Variants in CNTNAP4 observed in about 807,000 individuals in gnomAD.
CNTNAP4 encodes contactin-associated protein-like 4.
Under a neutral mutation model 148.4 loss-of-function variants are expected in CNTNAP4, and 98 were observed. The observed-to-expected ratio is 0.66, with a 90% CI of 0.56 to 0.78. CNTNAP4 has a LOEUF of 0.78. Ranked by LOEUF, CNTNAP4 falls within the 30% of genes least tolerant of loss-of-function variation. The pLI is 0.00. For missense variants in CNTNAP4, 1,935 were observed against 1,565.6 expected (o/e 1.24, Z -3.98); for synonymous variants, 730 against 565.1 (o/e 1.29, Z -4.14).
rs533191824 is a variant in CNTNAP4 at position 76,378,104 on chromosome 16, T to C, written c.390+22593T>C. The stretch of plus-strand genomic sequence containing the variant: ...CATTTTATAACAATATTAAGAGAGT[T>C]TCTTTTGTTTATTGGAGATTCTAAA... On this transcript the variant is annotated intron_variant, in intron 3 of 23. Coordinates refer to ENST00000611870, the MANE Select transcript of CNTNAP4 (RefSeq NM_033401.5). Among the ~76,000 whole-genome samples, 4 of 152,296 alleles carry C rather than the reference T, an allele frequency of 2.6e-5. No homozygotes were observed. In the South Asian group the frequency reaches 6.2e-4, roughly 24 times the overall value.
chr16:76,285,304 T>A (rs1243248674), intron 1 of CNTNAP4, among the ~76,000 whole-genome samples: 1 of 152,046 alleles, frequency 6.6e-6, no homozygotes, highest in Non-Finnish European at 1.5e-5. Context: ...ATGTAATAAT[T>A]GGAGAAGTGA....
At chr16:76,283,143 C>T (rs572729233) in intron 1 of CNTNAP4, among the ~76,000 whole-genome samples, 1 of 151,946 alleles carries the variant, frequency 6.6e-6, no homozygotes, top group Non-Finnish European at 1.5e-5. Flanking sequence ...ATTGGCATTA[C>T]ATGGCTTTGA....
chr16:76,479,145 C>G (rs1427011788), intron 11 of CNTNAP4, among the ~76,000 whole-genome samples: 1 of 151,936 alleles, frequency 6.6e-6, no homozygotes, highest in African/African-American at 2.4e-5. Flanking sequence ...TTCATAATGT[C>G]AAAGTAGCTA....
chr16:76,473,730 C>T (rs558048927), intron 10 of CNTNAP4, among the ~76,000 whole-genome samples: 6 of 152,158 alleles, frequency 3.9e-5, no homozygotes, highest in South Asian at 2.1e-4. Flanking sequence ...GCCAAGATCG[C>T]GCCACTGCAC....
intron 1 of CNTNAP4, among the ~76,000 whole-genome samples, chr16:76,279,955 A>G (rs1958624818): frequency 1.3e-5 from 2 of 152,170 alleles, no homozygotes; most frequent in Admixed American, 6.5e-5. Context: ...GTGTATATAT[A>G]TTTCCCAGCA....
chr16:76,311,047 T>TTAA (rs1207463027), intron 1 of CNTNAP4, among the ~76,000 whole-genome samples: 1 of 152,106 alleles, frequency 6.6e-6, no homozygotes, highest in Non-Finnish European at 1.5e-5. Flanking sequence ...ATCAGTTGAG[T>TTAA]TAATGCATGT....
chr16:76,433,754 A>G (rs2079702688), intron 4 of CNTNAP4, among the ~76,000 whole-genome samples: 1 of 152,124 alleles, frequency 6.6e-6, no homozygotes, highest in South Asian at 2.1e-4. Flanking sequence ...TGAGTTCAAT[A>G]CCTATTTATT....
chr16:76,349,148 C>G (rs1965164060), intron 2 of CNTNAP4, among the ~76,000 whole-genome samples: 1 of 152,110 alleles, frequency 6.6e-6, no homozygotes, highest in African/African-American at 2.4e-5. Context: ...CACTTCATTT[C>G]TCAACTCTCC....
intron 1 of CNTNAP4, among the ~76,000 whole-genome samples, chr16:76,301,547 C>A (rs1221374441): frequency 6.6e-6 from 1 of 151,998 alleles, no homozygotes; most frequent in Non-Finnish European, 1.5e-5. Flanking sequence ...TACTGAAAGA[C>A]CTGGAAGTAC....
chr16:76,327,677 C>T (rs1055979432), intron 2 of CNTNAP4, among the ~76,000 whole-genome samples: 1 of 152,184 alleles, frequency 6.6e-6, no homozygotes, highest in Non-Finnish European at 1.5e-5. Flanking sequence ...GATGGATGGC[C>T]TTCCCCTGGG....
chr16:76,521,175 G>T lies in CNTNAP4; in HGVS notation c.2401G>T (p.Ala801Ser). 6.2e-7 allele frequency: 1 copy of T among 1,605,958 alleles called. No homozygotes were observed. Among genetic ancestry groups the T allele is most frequent in the Non-Finnish European group, 8.5e-7 (1 of 1,177,552 alleles). Residue 801 changes from alanine (A) to serine (S), a missense_variant, in exon 16 of 24, where the codon GCT becomes TCT. By Grantham distance (99) the Ala-to-Ser change is moderately conservative. Coordinates refer to ENST00000611870, the MANE Select transcript of CNTNAP4 (RefSeq NM_033401.5). ...GAATTCAGCTTCCTTTGATACCGAG[G>T]CTTCATATCTTCATTTTCCTACCTT... ...FWNSASFDTE[A>S]SYLHFPTFHG...
chr16:76,497,078 A>T (rs183493649), intron 14 of CNTNAP4, among the ~76,000 whole-genome samples: 38 of 152,324 alleles, frequency 2.5e-4, no homozygotes, highest in African/African-American at 8.9e-4. Context: ...TAATGGATGA[A>T]AACTCAGATC....
chr16:76,447,281 A>G (rs1242498080), intron 4 of CNTNAP4, among the ~76,000 whole-genome samples: 2 of 151,740 alleles, frequency 1.3e-5, no homozygotes, highest in Non-Finnish European at 2.9e-5. Flanking sequence ...GTACCACTGC[A>G]TTCCAGCCTG....
chr16:76,496,085 T>TTTGTGTGTG (rs142841223), intron 14 of CNTNAP4, among the ~76,000 whole-genome samples: 1 of 140,164 alleles, frequency 7.1e-6, no homozygotes, highest in African/African-American at 2.5e-5. Flanking sequence ...CAAGATTATG[T>TTTGTGTGTG]TGTGTGTGTG....
chr16:76,540,822 A>G (rs1242697456), intron 21 of CNTNAP4, 32 bp downstream of exon 21: 1 of 1,427,142 alleles, frequency 7.0e-7, no homozygotes, highest in Admixed American at 2.0e-5. Flanking sequence ...TCCCCTAACC[A>G]TGCTAATCAT....
chr16:76,347,994 G>A (rs958034217), intron 2 of CNTNAP4, among the ~76,000 whole-genome samples: 2 of 152,146 alleles, frequency 1.3e-5, no homozygotes, highest in Non-Finnish European at 2.9e-5. Context: ...TAGAATCTCA[G>A]TGGGCACAGG....
chr16:76,373,853 C>G (rs1477490391), intron 3 of CNTNAP4, among the ~76,000 whole-genome samples: 1 of 147,134 alleles, frequency 6.8e-6, no homozygotes, highest in East Asian at 2.0e-4. Flanking sequence ...CAAGATCACG[C>G]CATTGCACTC....
At chr16:76,287,502 G>T (rs948236345) in intron 1 of CNTNAP4, 1 of 152,200 alleles carries the variant, frequency 6.6e-6, no homozygotes, top group Admixed American at 6.5e-5. Flanking sequence ...AACCAGATTA[G>T]CATGAAAGTA....
At chr16:76,287,676 C>T (rs1464628999) in intron 1 of CNTNAP4, 2 of 152,218 alleles carry the variant, frequency 1.3e-5, no homozygotes, top group Non-Finnish European at 2.9e-5. Context: ...TTAGCGATGG[C>T]CAGGGTTGAT....
Sources: gnomAD v4.1 joint callset for allele counts (sites outside exome capture counted in the v4.1 genomes callset) on GRCh38, gnomAD v4.1.1 for gene constraint, MANE v1.5 for transcripts, NCBI Gene and HGNC (gene_info 2026-07-23, HGNC 2026-07-21) for gene names.